Variants in LINGO2 observed in about 807,000 individuals in gnomAD.
The protein encoded by LINGO2 is leucine rich repeat and Ig domain containing 2.
LINGO2 carries 14 observed loss-of-function variants against 30.6 expected under a neutral mutation model. The observed-to-expected ratio is 0.46, with a 90% CI of 0.30 to 0.72. The LOEUF (loss-of-function observed/expected upper bound fraction) is 0.72, where lower values mean the gene tolerates loss of function less well. LINGO2 is among the 30% of genes least tolerant of loss of function. The pLI, the probability that LINGO2 is intolerant of heterozygous loss-of-function variation, is 0.07. For synonymous variants in LINGO2, 317 were observed against 288.5 expected (o/e 1.10, Z -1.00); for missense variants, 729 against 751.7 (o/e 0.97, Z 0.35).
At chr9:28,674,910 A>G (rs368416170), upstream of LINGO2, among the ~76,000 whole-genome samples, 13 of 152,082 alleles carry the variant, frequency 8.5e-5, no homozygotes, top group Non-Finnish European at 1.8e-4. Flanking sequence ...TGGAGAGTGT[A>G]GAATGTGACC....
intron 4 of LINGO2, among the ~76,000 whole-genome samples, chr9:28,124,924 A>G (rs973774073): frequency 3.3e-5 from 5 of 152,236 alleles, no homozygotes; most frequent in African/African-American, 1.2e-4. Context: ...AGATAATGAC[A>G]TGTGCCATAA....
At chr9:29,046,357 T>C in the LINGO2 span, among the ~76,000 whole-genome samples, 41 of 152,246 alleles carry the variant, frequency 2.7e-4, no homozygotes, top group African/African-American at 8.4e-4. Context: ...AACTACTATA[T>C]GTCTACAGTA....
intron 2 of LINGO2, among the ~76,000 whole-genome samples, chr9:28,433,916 T>A (rs1291108692): frequency 1.8e-5 from 1 of 56,132 alleles, no homozygotes; most frequent in African/African-American, 7.0e-5. Context: ...GAAAATGTGC[T>A]CTCTCTTTCT....
intron 1 of LINGO2, among the ~76,000 whole-genome samples, chr9:28,495,680 T>C (rs1819585935): frequency 6.6e-6 from 1 of 152,198 alleles, no homozygotes. Context: ...CTGATCTTAG[T>C]TATTTCTTGC....
At chr9:27,990,467 C>CT (rs540383744) in intron 5 of LINGO2, among the ~76,000 whole-genome samples, 2 of 111,504 alleles carry the variant, frequency 1.8e-5, no homozygotes, top group African/African-American at 3.3e-5. Flanking sequence ...TCAATACCCC[C>CT]CCCCCTTTTA....
intron 2 of LINGO2, among the ~76,000 whole-genome samples, chr9:28,443,354 G>T (rs1462795342): frequency 6.6e-6 from 1 of 152,198 alleles, no homozygotes; most frequent in African/African-American, 2.4e-5. Flanking sequence ...GCATGGCTGG[G>T]GCTGCACACT....
intron 1 of LINGO2, among the ~76,000 whole-genome samples, chr9:28,572,320 G>T (rs962494596): frequency 6.6e-6 from 1 of 152,082 alleles, no homozygotes; most frequent in East Asian, 1.9e-4. Context: ...ATAATGGATT[G>T]GATTTAGAGA....
the LINGO2 span, among the ~76,000 whole-genome samples, chr9:28,990,877 T>C: frequency 6.6e-6 from 1 of 151,912 alleles, no homozygotes; most frequent in African/African-American, 2.4e-5. Context: ...ATCACCATCA[T>C]CAAAGACCAA....
intron 5 of LINGO2, among the ~76,000 whole-genome samples, chr9:27,981,569 A>AAAAAAAAAAAAAAAAAAACAAAAAAAAAC (rs1222576112): frequency 7.8e-6 from 1 of 127,934 alleles, no homozygotes; most frequent in Non-Finnish European, 1.7e-5. Flanking sequence ...AGAAAAAAAA[A>AAAAAAAAAAAAAAAAAAACAAAAAAAAAC]GAAAAAAAAA....
Position 28,205,876 on chromosome 9 carries a change from A to G in LINGO2, c.-87+89332T>C, listed in dbSNP as rs1820391505. Among the ~76,000 whole-genome samples, 9 of 151,904 alleles carry G rather than the reference A, an allele frequency of 5.9e-5. No individual in the cohort carries two copies. The South Asian group carries it at 1.9e-3, about 32-fold the overall frequency. On this transcript the variant is annotated intron_variant, in intron 4 of 5. Transcript: ENST00000379992. Reference sequence around the variant, plus strand: ...TCCCAGGTATGCTGATCTCCAATCTACTCTAGAAAGCAGAAAGTATGTCTG... The same window carrying G: ...TCCCAGGTATGCTGATCTCCAATCTGCTCTAGAAAGCAGAAAGTATGTCTG...
chr9:28,747,564 C>A, the LINGO2 span, among the ~76,000 whole-genome samples: 1 of 152,046 alleles, frequency 6.6e-6, no homozygotes, highest in Admixed American at 6.5e-5. Flanking sequence ...CATCCCTAGA[C>A]ATTACTGTGG....
At chr9:28,484,835 G>A (rs1826107811) in intron 1 of LINGO2, among the ~76,000 whole-genome samples, 1 of 152,094 alleles carries the variant, frequency 6.6e-6, no homozygotes, top group Admixed American at 6.6e-5. Context: ...TAGTGTCAGA[G>A]AGAGACATCA....
the LINGO2 span, among the ~76,000 whole-genome samples, chr9:28,736,691 C>T: frequency 6.6e-6 from 1 of 152,010 alleles, no homozygotes; most frequent in Admixed American, 6.6e-5. Flanking sequence ...ACTTGCGGGG[C>T]TGAGGCAGGA....
At chr9:28,142,197 T>A (rs1827692494) in intron 4 of LINGO2, among the ~76,000 whole-genome samples, 1 of 150,736 alleles carries the variant, frequency 6.6e-6, no homozygotes, top group Admixed American at 6.6e-5. Context: ...TTAAATACTA[T>A]GCATTAGTAA....
rs1035521001 is a variant in LINGO2 at position 28,428,569 on chromosome 9, G to A, written c.-279+47371C>T. On this transcript the variant is annotated intron_variant, in intron 2 of 5. Coordinates refer to ENST00000379992, the Ensembl canonical transcript of LINGO2. ...CTTAACAACTGCTTGGCAATGCAGC[G>A]GGGTTTTCAGTCATTGACCTCAATT... Among the ~76,000 whole-genome samples the A allele has an allele frequency of 5.3e-5, 8 of 152,084 alleles. No homozygotes were observed. The South Asian group carries it at 8.3e-4, about 16-fold the overall frequency.
chr9:28,809,800 T>C, the LINGO2 span, among the ~76,000 whole-genome samples: 5 of 150,958 alleles, frequency 3.3e-5, no homozygotes, highest in Non-Finnish European at 7.4e-5. Context: ...CTTAATTTCA[T>C]GTCTTGCAAT....
chr9:29,040,664 G>A, the LINGO2 span, among the ~76,000 whole-genome samples: 1 of 151,592 alleles, frequency 6.6e-6, no homozygotes, highest in African/African-American at 2.4e-5. Context: ...TAAATAAAAT[G>A]GCATCCACCC....
chr9:28,884,699 A>G, the LINGO2 span, among the ~76,000 whole-genome samples: 3 of 140,804 alleles, frequency 2.1e-5, no homozygotes, highest in Non-Finnish European at 4.5e-5. Flanking sequence ...ATGTATGTGT[A>G]TATATATATA....
the LINGO2 span, among the ~76,000 whole-genome samples, chr9:29,109,110 G>A: frequency 6.7e-6 from 1 of 149,984 alleles, no homozygotes; most frequent in Non-Finnish European, 1.5e-5. Context: ...TTACATATAA[G>A]CTTTTTCCAC....
Sources: allele counts gnomAD v4.1 joint callset (sites outside exome capture counted in the v4.1 genomes callset), GRCh38; gene constraint gnomAD v4.1.1; transcripts MANE v1.5; gene names NCBI Gene and HGNC (gene_info 2026-07-23, HGNC 2026-07-21).